ARFGEF3: variants seen among roughly 807,000 people sequenced by gnomAD.
ARFGEF3 encodes the protein brefeldin A-inhibited guanine nucleotide-exchange protein 3.
In ARFGEF3, 96 loss-of-function variants were observed where a neutral mutation model predicts 221.7. The ratio of observed to expected loss-of-function variants is 0.43; its 90% CI spans 0.37 to 0.51. The LOEUF (loss-of-function observed/expected upper bound fraction) is 0.51. ARFGEF3 is among the 20% of genes least tolerant of loss of function. The pLI is 0.00. For synonymous variants in ARFGEF3, 1,145 were observed against 1,126.8 expected (o/e 1.02, Z -0.32); for missense variants, 2,410 against 2,789.9 (o/e 0.86, Z 3.07).
chr6:138,266,333 A>G (rs750865804), intron 12 of ARFGEF3, among the ~76,000 whole-genome samples: 1 of 151,978 alleles, frequency 6.6e-6, no homozygotes, highest in Non-Finnish European at 1.5e-5. Context: ...GAGAGAAAGA[A>G]GGGAAGGCAG....
Position 138,162,483 on chromosome 6 carries a change from C to A in ARFGEF3, c.85+312C>A, listed in dbSNP as rs1460075295. On this transcript the variant is annotated intron_variant, in intron 1 of 33. Transcript: ENST00000251691. This position sits in a 1 kb window ranked among gnomAD's most constrained non-coding sequence, Gnocchi z 4.7. ...CCCCATCGCCGAGTTAGGCAGGACC[C>A]GGAGCCGGTGCGAATCCTGGGGCCT... Among the ~76,000 whole-genome samples, 1 of 152,162 alleles carries A rather than the reference C, an allele frequency of 6.6e-6. No homozygotes were observed. Among genetic ancestry groups the A allele is most frequent in the Non-Finnish European group, 1.5e-5 (1 of 68,016 alleles).
intron 14 of ARFGEF3, among the ~76,000 whole-genome samples, chr6:138,285,167 T>G (rs1203876217): frequency 6.6e-6 from 1 of 152,126 alleles, no homozygotes; most frequent in African/African-American, 2.4e-5. Context: ...ACTTTGAAAA[T>G]TATAAGGTAT....
chr6:138,208,367 C>G (rs1292004100), intron 3 of ARFGEF3, among the ~76,000 whole-genome samples: 1 of 150,494 alleles, frequency 6.6e-6, no homozygotes, highest in Admixed American at 6.6e-5. Context: ...CCTGAGTATA[C>G]CACATGATTC....
chr6:138,319,366 TGTATGATTTCAAAGGGTA>T, intron 27 of ARFGEF3, among the ~76,000 whole-genome samples: 1 of 152,232 alleles, frequency 6.6e-6, no homozygotes, highest in African/African-American at 2.4e-5. Flanking sequence ...ATTTCATAAA[TGTATGATTTCAAAGGGTA>T]TTTTCTTATA....
chr6:138,229,931 G>A (rs1043587052), intron 5 of ARFGEF3, 79 bp downstream of exon 5: 5 of 1,165,828 alleles, frequency 4.3e-6, no homozygotes, highest in Non-Finnish European at 6.4e-6. Flanking sequence ...GTGGAACTAA[G>A]CCCCAGCACT....
chr6:138,251,820 C>T (rs771527912), intron 8 of ARFGEF3, among the ~76,000 whole-genome samples: 3 of 152,134 alleles, frequency 2.0e-5, no homozygotes, highest in Non-Finnish European at 2.9e-5. Flanking sequence ...GCCATATGGT[C>T]TCATAGAACC....
chr6:138,225,111 C>T (rs1310247135), intron 4 of ARFGEF3, among the ~76,000 whole-genome samples: 8 of 152,154 alleles, frequency 5.3e-5, no homozygotes, highest in Non-Finnish European at 1.0e-4. Flanking sequence ...CAATTCATTG[C>T]CACGGGAACA....
chr6:138,177,597 A>T (rs1315028565), intron 2 of ARFGEF3, among the ~76,000 whole-genome samples: 1 of 152,152 alleles, frequency 6.6e-6, no homozygotes, highest in Non-Finnish European at 1.5e-5. Flanking sequence ...CTCTTCCCTC[A>T]GGAATACTGA....
intron 8 of ARFGEF3, among the ~76,000 whole-genome samples, chr6:138,250,730 G>A (rs143766966): frequency 7.9e-5 from 12 of 152,198 alleles, no homozygotes; most frequent in Admixed American, 6.5e-5. Flanking sequence ...TCCACAGATC[G>A]TGCACCTGGG....
chr6:138,193,174 T>A (rs1777343014), intron 2 of ARFGEF3, among the ~76,000 whole-genome samples: 1 of 152,204 alleles, frequency 6.6e-6, no homozygotes, highest in African/African-American at 2.4e-5. Context: ...CTTTGGCTGC[T>A]CCACGAACCC....
chr6:138,299,767 T>A (rs1779596755), intron 22 of ARFGEF3, among the ~76,000 whole-genome samples: 1 of 152,238 alleles, frequency 6.6e-6, no homozygotes, highest in African/African-American at 2.4e-5. Context: ...TGGTGTTCAA[T>A]CAGGCCAAGG....
intron 11 of ARFGEF3, 92 bp from the exon 12 acceptor site, chr6:138,262,609 T>G: frequency 7.9e-7 from 1 of 1,261,940 alleles, no homozygotes; most frequent in Non-Finnish European, 1.1e-6. Context: ...TTGAATACTT[T>G]GCTGTTTGCC....
chr6:138,207,047 A>G lies in ARFGEF3; in HGVS notation c.143A>G (p.Lys48Arg). Residue 48 changes from lysine (K) to arginine (R), a missense_variant, in exon 3 of 34, where the codon AAA becomes AGA. Around this residue, in one of 5 missense-constraint regions of ARFGEF3, gnomAD observed 570 missense variants for 586.9 expected, o/e 0.97. Transcript: ENST00000251691. Reference sequence around the variant, plus strand: ...CTTATTTTTGTGTTTGCCAGGGAGAAATGCCTGCTGCCTCTCCAGTTGGCT... The same window carrying G: ...CTTATTTTTGTGTTTGCCAGGGAGAGATGCCTGCTGCCTCTCCAGTTGGCT... Reference protein sequence around the residue: ...VKIPPHVLREKCLLPLQLALE... With the variant: ...VKIPPHVLRERCLLPLQLALE... The G allele has an allele frequency of 6.2e-7, 1 of 1,608,484 alleles. No individual in the cohort carries two copies. Among genetic ancestry groups the G allele is most frequent in the South Asian group, 1.1e-5 (1 of 89,292 alleles).
intron 22 of ARFGEF3, among the ~76,000 whole-genome samples, chr6:138,302,908 G>A (rs1403897074): frequency 6.6e-6 from 1 of 152,156 alleles, no homozygotes; most frequent in Non-Finnish European, 1.5e-5. Flanking sequence ...TAAGCTGAAA[G>A]AAATAACACA....
At chr6:138,323,638 A>AAC (rs1562216338) in intron 29 of ARFGEF3, 33 bp from the exon 30 acceptor site, 4 of 1,593,922 alleles carry the variant, frequency 2.5e-6, no homozygotes, top group South Asian at 1.1e-5. Context: ...ACAACAACAA[A>AAC]AAAAAAACTC....
intron 2 of ARFGEF3, among the ~76,000 whole-genome samples, chr6:138,192,801 A>T (rs565217735): frequency 1.1e-4 from 16 of 152,318 alleles, no homozygotes; most frequent in African/African-American, 3.8e-4. Flanking sequence ...AGGTAATATT[A>T]GTTCCATATT....
At position 138,336,322 on chromosome 6, in the gene ARFGEF3, C is replaced by CTCAA; in HGVS notation, c.6374_6377dup (p.Ile2127SerfsTer49). Reference sequence around the variant, plus strand: ...ATGGACCAACATGGTGCTAACAGTTCTCAATCAGATTCAGATTCTCCCAGA... The same window carrying CTCAA: ...ATGGACCAACATGGTGCTAACAGTTCTCAATCAATCAGATTCAGATTCTCCCAGA... On this transcript the variant is annotated frameshift_variant, in exon 34 of 34. Transcript: ENST00000251691. LOFTEE classifies it high-confidence loss of function. The CTCAA allele has an allele frequency of 6.3e-7, 1 of 1,599,668 alleles. No homozygotes were observed. The highest frequency in any genetic ancestry group is 8.5e-7 in the Non-Finnish European group (1 of 1,173,568).
chr6:138,336,208 C>A (rs1242596394), intron 33 of ARFGEF3, 87 bp from the exon 34 acceptor site: 6 of 1,043,124 alleles, frequency 5.8e-6, no homozygotes, highest in Admixed American at 2.9e-5. Flanking sequence ...TGGAAAAAAA[C>A]CATTTCCACA....
At chr6:138,292,780 A>G (rs1779436648) in intron 19 of ARFGEF3, among the ~76,000 whole-genome samples, 1 of 152,244 alleles carries the variant, frequency 6.6e-6, no homozygotes, top group Non-Finnish European at 1.5e-5. Context: ...CTGCCGGGTC[A>G]TGTCTGTAGA....
Sources: allele counts gnomAD v4.1 joint callset (sites outside exome capture counted in the v4.1 genomes callset), GRCh38; gene constraint gnomAD v4.1.1; regional missense constraint gnomAD v4.1.1; non-coding constraint Gnocchi (gnomAD v3.1); transcripts MANE v1.5; gene names NCBI Gene and HGNC (gene_info 2026-07-23, HGNC 2026-07-21).